MRPL39: variants seen among roughly 807,000 people sequenced by gnomAD.
MRPL39 encodes large ribosomal subunit protein mL39.
MRPL39 carries 35 observed loss-of-function variants against 44.5 expected under a neutral mutation model. The ratio of observed to expected loss-of-function variants is 0.79; its 90% confidence interval spans 0.60 to 1.04. The LOEUF is 1.04. Among genes scored for constraint, MRPL39 ranks in the 50% least tolerant of loss-of-function variants. MRPL39 has a pLI of 0.00. For missense variants in MRPL39, 433 were observed against 413.5 expected, an observed-to-expected ratio of 1.05 and a Z score of -0.41; for synonymous variants, 139 against 136.1, an observed-to-expected ratio of 1.02 and a Z score of -0.15.
chr21:25,592,134 C>T (rs2031197255), intron 8 of MRPL39, among the ~76,000 whole-genome samples: 1 of 152,088 alleles, frequency 6.6e-6, no homozygotes, highest in African/African-American at 2.4e-5. Flanking sequence ...AAAAGGAAAA[C>T]AGATAAGTAG....
intron 6 of MRPL39, among the ~76,000 whole-genome samples, chr21:25,596,620 T>C (rs575400174): frequency 6.6e-6 from 1 of 152,308 alleles, no homozygotes; most frequent in South Asian, 2.1e-4. Flanking sequence ...AAAGAAATTC[T>C]AATCAGTAAA....
At chr21:25,594,850 C>T (rs1238014260) in intron 6 of MRPL39, among the ~76,000 whole-genome samples, 1 of 152,180 alleles carries the variant, frequency 6.6e-6, no homozygotes, top group Non-Finnish European at 1.5e-5. Flanking sequence ...AAATTACCAC[C>T]TCTTTCCCCG....
chr21:25,604,945 T>C (rs1568866942), intron 2 of MRPL39, among the ~76,000 whole-genome samples: 1 of 152,244 alleles, frequency 6.6e-6, no homozygotes, highest in Admixed American at 6.5e-5. Flanking sequence ...ACATGTGATG[T>C]GTATAAAGCT....
chr21:25,588,080 G>A (rs971615989), intron 9 of MRPL39, among the ~76,000 whole-genome samples: 1 of 152,156 alleles, frequency 6.6e-6, no homozygotes, highest in Non-Finnish European at 1.5e-5. Flanking sequence ...GGGAGGCTGA[G>A]GGGGGTGGAT....
intron 3 of MRPL39, among the ~76,000 whole-genome samples, chr21:25,602,935 T>C (rs991793904): frequency 7.2e-5 from 11 of 152,268 alleles, no homozygotes; most frequent in African/African-American, 1.9e-4. Flanking sequence ...GACTGGATAA[T>C]GGGGCGGTTT....
chr21:25,602,394 C>T (rs746201950), intron 3 of MRPL39, among the ~76,000 whole-genome samples: 2 of 152,164 alleles, frequency 1.3e-5, no homozygotes, highest in African/African-American at 2.4e-5. Context: ...GAGAATAGCA[C>T]GAACTCACAG....
intron 2 of MRPL39, 103 bp from the exon 3 acceptor site, chr21:25,604,038 G>A: frequency 9.3e-7 from 1 of 1,070,796 alleles, no homozygotes; most frequent in South Asian, 1.6e-5. Flanking sequence ...GCAAGATTCT[G>A]CAGACTGTCC....
chr21:25,595,190 T>G (rs1271951323), intron 6 of MRPL39, among the ~76,000 whole-genome samples: 1 of 152,232 alleles, frequency 6.6e-6, no homozygotes, highest in Non-Finnish European at 1.5e-5. Context: ...CACAATTATG[T>G]GGCAAAGTTA....
upstream of MRPL39, chr21:25,607,604 G>A (rs1168126962): frequency 1.1e-6 from 1 of 905,552 alleles, no homozygotes; most frequent in Non-Finnish European, 1.6e-6. Context: ...CCTCCACCGG[G>A]GGGCGTCAGG....
At chr21:25,604,883 G>A (rs1248073262) in intron 2 of MRPL39, among the ~76,000 whole-genome samples, 2 of 152,218 alleles carry the variant, frequency 1.3e-5, no homozygotes, top group African/African-American at 4.8e-5. Context: ...TGAATGACAA[G>A]AACGTCTCAT....
At chr21:25,593,571 G>A (rs557536637) in intron 7 of MRPL39, among the ~76,000 whole-genome samples, 4 of 152,266 alleles carry the variant, frequency 2.6e-5, no homozygotes, top group East Asian at 1.9e-4. Context: ...TATGAATTAC[G>A]ATGTTCAATT....
intron 8 of MRPL39, among the ~76,000 whole-genome samples, chr21:25,591,460 T>C (rs1250072188): frequency 6.6e-6 from 1 of 151,930 alleles, no homozygotes; most frequent in African/African-American, 2.4e-5. Flanking sequence ...TAAAGAACTC[T>C]CAAAACTCAA....
chr21:25,599,418 C>T (rs2031455626), intron 5 of MRPL39, among the ~76,000 whole-genome samples: 2 of 152,094 alleles, frequency 1.3e-5, no homozygotes, highest in Admixed American at 1.3e-4. Flanking sequence ...AAGTATGGCT[C>T]CAGGCCCCCT....
intron 5 of MRPL39, among the ~76,000 whole-genome samples, chr21:25,598,509 T>G (rs1384495069): frequency 1.3e-5 from 2 of 151,502 alleles, no homozygotes; most frequent in Non-Finnish European, 2.9e-5. Context: ...AAATTAAATC[T>G]TGACCTCAGT....
Position 25,606,616 on chromosome 21 carries a change from G to C in MRPL39, c.113C>G (p.Thr38Arg). ...ATSSASQLSP[T>R]ELTEMRNDLF... ...ATCATTCCGCATTTCTGTCAATTCT[G>C]TCGGTGACAGCTGAGAAGCTGACGA... Residue 38 changes from threonine to arginine, a missense_variant, in exon 2 of 10, where the codon ACA becomes AGA. Thr to Arg is a moderately conservative substitution (Grantham distance 71). Coordinates refer to ENST00000352957, the MANE Select transcript of MRPL39 (RefSeq NM_017446.4). 6.2e-7 allele frequency: 1 copy of C among 1,613,866 alleles called. No individual in the cohort carries two copies. The highest frequency in any genetic ancestry group is 1.3e-5 in the African/African-American group (1 of 75,010).
At chr21:25,588,094 G>A (rs1423342557) in intron 9 of MRPL39, among the ~76,000 whole-genome samples, 10 of 152,108 alleles carry the variant, frequency 6.6e-5, no homozygotes, top group African/African-American at 1.7e-4. Context: ...GGTGGATCAC[G>A]AGGTCAGGAG....
At chr21:25,600,574 TTAA>T (rs148183472) in intron 4 of MRPL39, among the ~76,000 whole-genome samples, 11,562 of 148,744 alleles carry the variant, frequency 0.078, 796 homozygotes, top group East Asian at 0.37. Context: ...ATCTACTTCT[TTAA>T]AAAAAAAAAA....
chr21:25,587,926 A>G, intron 9 of MRPL39: 1 of 670,036 alleles, frequency 1.5e-6, no homozygotes, highest in Non-Finnish European at 2.7e-6. Context: ...CCTAATGAGG[A>G]CAGATTACAC....
At chr21:25,605,464 G>A (rs35933849) in intron 2 of MRPL39, among the ~76,000 whole-genome samples, 12,180 of 151,970 alleles carry the variant, frequency 0.08, 1,180 homozygotes, top group African/African-American at 0.22. Context: ...AACACAGAGA[G>A]AGCCAAGTGG....
Sources: gnomAD v4.1 joint callset for allele counts (sites outside exome capture counted in the v4.1 genomes callset) on GRCh38, gnomAD v4.1.1 for gene constraint, MANE v1.5 for transcripts, NCBI Gene and HGNC (gene_info 2026-07-23, HGNC 2026-07-21) for gene names.